Variants in FAM20A observed in about 807,000 individuals in gnomAD.
FAM20A encodes the protein FAM20A golgi associated secretory pathway pseudokinase, also known as pseudokinase FAM20A.
In FAM20A, 42 loss-of-function variants were observed where a neutral mutation model predicts 52.0. The ratio of observed to expected loss-of-function variants is 0.81; its 90% CI spans 0.63 to 1.04. FAM20A has a LOEUF of 1.04. FAM20A is among the 50% of genes least tolerant of loss of function. FAM20A has a pLI of 0.00. For synonymous variants in FAM20A, 304 were observed against 298.9 expected, an observed-to-expected ratio of 1.02 and a Z score of -0.18; for missense variants, 742 against 712.7, an observed-to-expected ratio of 1.04 and a Z score of -0.47.
Position 68,539,393 on chromosome 17 carries a change from G to C in FAM20A, c.1305C>G (p.Phe435Leu). The change falls in exon 10 of 11, where the codon TTC becomes TTG. Residue 435 changes from phenylalanine to leucine, a missense_variant. Transcript: ENST00000592554. Reference protein sequence around the residue: ...FLIHLDNARGFGRHSHDEISI... With the variant: ...FLIHLDNARGLGRHSHDEISI... The stretch of plus-strand genomic sequence containing the variant: ...AGATTTCATCATGGGAGTGTCGTCC[G>C]AACCTAGGAGGAGAAACAGGCTTTT... 6.2e-7 allele frequency: 1 copy of C among 1,614,108 alleles called. No homozygotes were observed. Among genetic ancestry groups the C allele is most frequent in the Non-Finnish European group, 8.5e-7 (1 of 1,180,000 alleles).
At chr17:68,543,516 A>G in intron 5 of FAM20A, 113 bp downstream of exon 5, 2 of 915,936 alleles carry the variant, frequency 2.2e-6, no homozygotes, top group Non-Finnish European at 3.6e-6. Flanking sequence ...AAGAAGATAG[A>G]AAGCCAGAAG....
At chr17:68,572,885 CA>C (rs1409877282) in intron 1 of FAM20A, among the ~76,000 whole-genome samples, 1 of 152,066 alleles carries the variant, frequency 6.6e-6, no homozygotes, top group East Asian at 1.9e-4. Flanking sequence ...TCCTAGAGGC[CA>C]AGGGAAGTCC....
intron 3 of FAM20A, among the ~76,000 whole-genome samples, chr17:68,554,100 A>C (rs2086984405): frequency 6.9e-6 from 1 of 145,782 alleles, no homozygotes; most frequent in African/African-American, 2.7e-5. Context: ...ATACACACAT[A>C]TATATACACA....
chr17:68,574,346 G>A (rs554335339), intron 1 of FAM20A, among the ~76,000 whole-genome samples: 2 of 152,280 alleles, frequency 1.3e-5, no homozygotes, highest in South Asian at 2.1e-4. Context: ...ATCACATGGC[G>A]AGGGGGCTGA....
Position 68,600,225 on chromosome 17 carries a change from G to T in FAM20A, c.404+38C>A. 6.5e-7 allele frequency: 1 copy of T among 1,546,590 alleles called. No individual in the cohort carries two copies. Among genetic ancestry groups the T allele is most frequent in the Non-Finnish European group, 8.7e-7 (1 of 1,145,684 alleles). On this transcript the variant is annotated intron_variant, in intron 1 of 10. Coordinates refer to ENST00000592554, the MANE Select transcript of FAM20A (RefSeq NM_017565.4). The surrounding 1 kb of genome is among the most constrained non-coding windows in gnomAD (Gnocchi z 6.2). ...CTGGGGCGCGGGGAGGCCCCGGCCA[G>T]AGCGCCCGCTCTCCCGCGTCCCGGG...
intron 1 of FAM20A, among the ~76,000 whole-genome samples, chr17:68,557,125 A>T (rs1028232915): frequency 1.6e-4 from 25 of 151,978 alleles, no homozygotes; most frequent in African/African-American, 6.0e-4. Context: ...ACTTGAACCC[A>T]GGAGGTGGAG....
At chr17:68,572,021 T>TATAATATATATATATATATATATATA (rs2087573805) in intron 1 of FAM20A, among the ~76,000 whole-genome samples, 1 of 120,724 alleles carries the variant, frequency 8.3e-6, no homozygotes, top group African/African-American at 3.4e-5. Flanking sequence ...TATATATATA[T>TATAATATATATATATATATATATATA]ATATATATAT....
chr17:68,596,221 A>C (rs549718730), intron 1 of FAM20A, among the ~76,000 whole-genome samples: 429 of 151,396 alleles, frequency 2.8e-3, no homozygotes, highest in African/African-American at 7.4e-3. Context: ...ACACACACAC[A>C]CCCCTAAGAA....
chr17:68,546,244 G>A (rs1488229401), intron 4 of FAM20A, among the ~76,000 whole-genome samples: 1 of 149,058 alleles, frequency 6.7e-6, no homozygotes, highest in African/African-American at 2.5e-5. Context: ...CAACAATTCA[G>A]TCACATTTTC....
rs2088616218 is a variant in FAM20A, at chr17:68,601,280, G to A, written c.-614C>T. The A allele has an allele frequency of 6.6e-6, 1 of 152,272 alleles. No individual in the cohort carries two copies. Among genetic ancestry groups the A allele is most frequent in the African/African-American group, 2.4e-5 (1 of 41,420 alleles). 9.4% of individuals were successfully genotyped at this position (152,272 alleles called of 1,614,324 possible). ...GCCTGGACTCCTAGAGGCAGAGGTA[G>A]CGCGGGGCCTCCCCGAGCCTGGCCT... On this transcript the variant is annotated 5_prime_UTR_variant, in exon 1 of 11. Coordinates refer to ENST00000592554, the MANE Select transcript of FAM20A (RefSeq NM_017565.4).
chr17:68,597,226 A>C (rs938351902), intron 1 of FAM20A, among the ~76,000 whole-genome samples: 3 of 151,948 alleles, frequency 2.0e-5, no homozygotes, highest in African/African-American at 4.8e-5. Context: ...AATTACAAAA[A>C]AAAAAAAAAA....
Position 68,537,153 on chromosome 17 carries a change from A to G in FAM20A, c.*324T>C. ...TTGATGTCCTTTTATTTGACTTGTT[A>G]CCATTAGTACTCTCCTGGGATCAAG... On this transcript the variant is annotated 3_prime_UTR_variant, in exon 11 of 11. Coordinates refer to ENST00000592554, the MANE Select transcript of FAM20A (RefSeq NM_017565.4). The surrounding 1 kb of genome is among the most constrained non-coding windows in gnomAD (Gnocchi z 4.2). The G allele has an allele frequency of 3.8e-6, 2 of 521,980 alleles. No homozygotes were observed. Among genetic ancestry groups the G allele is most frequent in the South Asian group, 3.1e-5 (2 of 65,134 alleles). 32.3% of individuals were successfully genotyped at this position (521,980 alleles called of 1,614,324 possible). A position where few individuals can be genotyped will look rare whatever the true frequency, so the allele number is the denominator to read the frequency against.
chr17:68,548,317 G>A (rs552871689), intron 4 of FAM20A, among the ~76,000 whole-genome samples: 1 of 152,218 alleles, frequency 6.6e-6, no homozygotes, highest in East Asian at 1.9e-4. Context: ...ATCACCTGAG[G>A]TCGAGAGTTC....
intron 4 of FAM20A, among the ~76,000 whole-genome samples, chr17:68,547,508 G>C (rs1388476593): frequency 6.6e-6 from 1 of 152,180 alleles, no homozygotes; most frequent in Non-Finnish European, 1.5e-5. Context: ...AGATCTTCTG[G>C]ATAACCTGCT....
At chr17:68,550,747 CA>C (rs200953176) in intron 4 of FAM20A, among the ~76,000 whole-genome samples, 2,001 of 152,292 alleles carry the variant, frequency 0.013, 18 homozygotes, top group Non-Finnish European at 0.021. Context: ...GGAGAGCCCC[CA>C]GAGCTAGTCC....
At chr17:68,548,885 A>C (rs926836662) in intron 4 of FAM20A, among the ~76,000 whole-genome samples, 4 of 151,392 alleles carry the variant, frequency 2.6e-5, no homozygotes, top group African/African-American at 9.7e-5. Context: ...GGCACCCACC[A>C]CCACGCCCGG....
At position 68,600,382 on chromosome 17, in the gene FAM20A, G is replaced by A. The variant is rs2088584584; in HGVS notation, c.285C>T (p.Leu95=). The stretch of plus-strand genomic sequence containing the variant: ...GGACGTTGTACAGCGGGTGGGCGAA[G>A]AGGGCCTGCAACTTGGAGCTCGACC... ...HSGSSSKLQA[L]FAHPLYNVPE... Residue 95 remains leucine, a synonymous_variant, in exon 1 of 11, where the codon CTC becomes CTT. Coordinates refer to ENST00000592554, the MANE Select transcript of FAM20A (RefSeq NM_017565.4). This position sits in a 1 kb window ranked among gnomAD's most constrained non-coding sequence, Gnocchi z 6.2. 1.2e-6 allele frequency: 2 copies of A among 1,607,770 alleles called. No individual in the cohort carries two copies. The highest frequency in any genetic ancestry group is 2.2e-5 in the East Asian group (1 of 44,562).
At chr17:68,558,371 G>A (rs899628086) in intron 1 of FAM20A, 2 of 443,462 alleles carry the variant, frequency 4.5e-6, no homozygotes, top group African/African-American at 4.0e-5. Flanking sequence ...CAAATCTCAT[G>A]TTGAAATGTA....
chr17:68,572,354 A>T (rs1047789068), intron 1 of FAM20A, among the ~76,000 whole-genome samples: 5 of 152,152 alleles, frequency 3.3e-5, no homozygotes. Context: ...CTGACAGGCA[A>T]TTGTGCAATT....
Sources: gnomAD v4.1 joint callset for allele counts (sites outside exome capture counted in the v4.1 genomes callset) on GRCh38, gnomAD v4.1.1 for gene constraint, Gnocchi (gnomAD v3.1) non-coding constraint, MANE v1.5 for transcripts, NCBI Gene and HGNC (gene_info 2026-07-23, HGNC 2026-07-21) for gene names.